Variants in RNF125 observed in about 807,000 individuals in gnomAD.
RNF125 encodes E3 ubiquitin-protein ligase RNF125.
A neutral mutation model predicts 26.0 loss-of-function variants in RNF125; 21 were observed. The ratio of observed to expected loss-of-function variants is 0.81; its 90% CI spans 0.57 to 1.16. The LOEUF is 1.16. RNF125 is among the 50% of genes most tolerant of loss of function. The pLI, the probability that RNF125 is intolerant of heterozygous loss-of-function variation, is 0.00. For missense variants in RNF125, 270 were observed against 299.4 expected, an observed-to-expected ratio of 0.90 and a Z score of 0.72; for synonymous variants, 95 against 109.2, an observed-to-expected ratio of 0.87 and a Z score of 0.81.
At chr18:32,051,605 G>C (rs1405662664) in intron 4 of RNF125, among the ~76,000 whole-genome samples, 1 of 98,166 alleles carries the variant, frequency 1.0e-5, no homozygotes, top group Non-Finnish European at 1.9e-5. Flanking sequence ...ACAAGAGCAA[G>C]ACTCAGTCTT....
At chr18:32,027,635 G>A (rs77571631) in intron 1 of RNF125, among the ~76,000 whole-genome samples, 1 of 152,152 alleles carries the variant, frequency 6.6e-6, no homozygotes, top group Non-Finnish European at 1.5e-5. Flanking sequence ...TTCTTTGCTG[G>A]CTTTTCATCC....
At chr18:32,046,914 GC>G (rs149646375) in intron 4 of RNF125, among the ~76,000 whole-genome samples, 2,383 of 152,062 alleles carry the variant, frequency 0.016, 64 homozygotes, top group African/African-American at 0.055. Flanking sequence ...TTTGAGACAG[GC>G]CATAGTACAG....
At chr18:32,034,452 G>A (rs993087099) in intron 1 of RNF125, among the ~76,000 whole-genome samples, 5 of 152,108 alleles carry the variant, frequency 3.3e-5, no homozygotes, top group African/African-American at 9.7e-5. Context: ...GTTCCTTTAC[G>A]TGATCTTGCA....
intron 4 of RNF125, among the ~76,000 whole-genome samples, chr18:32,047,364 G>A (rs965878463): frequency 2.6e-5 from 4 of 152,090 alleles, no homozygotes; most frequent in African/African-American, 9.7e-5. Context: ...TTTAGAATTT[G>A]AGTTCATATT....
At chr18:32,038,972 G>A (rs1458522113) in intron 2 of RNF125, among the ~76,000 whole-genome samples, 1 of 151,576 alleles carries the variant, frequency 6.6e-6, no homozygotes, top group Non-Finnish European at 1.5e-5. Flanking sequence ...CACCATGTTG[G>A]CCAGTCTGGT....
chr18:32,048,839 A>G (rs1397268260), intron 4 of RNF125, among the ~76,000 whole-genome samples: 3 of 152,220 alleles, frequency 2.0e-5, no homozygotes, highest in African/African-American at 4.8e-5. Context: ...TTGTTTCACA[A>G]TAGGTCCCTG....
intron 1 of RNF125, among the ~76,000 whole-genome samples, chr18:32,021,237 G>A (rs1299724374): frequency 3.9e-5 from 6 of 152,106 alleles, no homozygotes; most frequent in Non-Finnish European, 5.9e-5. Context: ...CCGCCACCAC[G>A]CCCGGCTAAT....
At chr18:32,062,093 T>C (rs1429753544) in intron 4 of RNF125, among the ~76,000 whole-genome samples, 1 of 152,212 alleles carries the variant, frequency 6.6e-6, no homozygotes, top group Non-Finnish European at 1.5e-5. Flanking sequence ...GAAGACATTA[T>C]CTGTAAATAT....
intron 1 of RNF125, among the ~76,000 whole-genome samples, chr18:32,023,253 A>G (rs1342092561): frequency 6.6e-6 from 1 of 152,182 alleles, no homozygotes; most frequent in Non-Finnish European, 1.5e-5. Context: ...CCCAGGTTCA[A>G]GTGACTGTCC....
chr18:32,084,127 A>C, the RNF125 span, among the ~76,000 whole-genome samples: 2 of 152,152 alleles, frequency 1.3e-5, no homozygotes, highest in African/African-American at 4.8e-5. Flanking sequence ...AGGCCGACGC[A>C]GGTGGATCAC....
the RNF125 span, among the ~76,000 whole-genome samples, chr18:32,079,310 T>C: frequency 6.6e-6 from 1 of 152,232 alleles, no homozygotes; most frequent in Non-Finnish European, 1.5e-5. Context: ...TGACCTCATC[T>C]AATCCTAATT....
chr18:32,048,596 AAGAC>A lies in RNF125; in HGVS notation c.504+2868_504+2871del, dbSNP rs2039295690. ...AAGGTCACACAGCTGGTAAGTAACA[AAGAC>A]AGAATTTGAATACAGTGATCTAGCT... is the stretch of plus-strand genomic sequence containing the variant. On this transcript the variant is annotated intron_variant, in intron 4 of 5. Transcript: ENST00000217740. Among the ~76,000 whole-genome samples, 4 of 152,306 alleles carry A rather than the reference AAGAC, an allele frequency of 2.6e-5. No individual in the cohort carries two copies. The South Asian group carries it at 8.3e-4, about 32-fold the overall frequency.
chr18:32,045,409 A>G (rs12970344), intron 3 of RNF125, among the ~76,000 whole-genome samples: 1 of 151,348 alleles, frequency 6.6e-6, no homozygotes, highest in African/African-American at 2.4e-5. Flanking sequence ...AAATACAAAG[A>G]TTAACCTGGT....
At position 32,070,012 on chromosome 18, in the gene RNF125, C is replaced by T. The variant is rs2039518990; in HGVS notation, c.*1628C>T. The T allele has an allele frequency of 7.8e-6, 1 of 128,378 alleles. No homozygotes were observed. Among genetic ancestry groups the T allele is most frequent in the Admixed American group, 8.4e-5 (1 of 11,844 alleles). 8.0% of individuals were successfully genotyped at this position (128,378 alleles called of 1,614,324 possible). A position where few individuals can be genotyped will look rare whatever the true frequency, so the allele number is the denominator to read the frequency against. On this transcript the variant is annotated 3_prime_UTR_variant, in exon 6 of 6. Transcript: ENST00000217740. ...ATCACGGTGTCTTTCTTTCCTTCCT[C>T]CTTCTTCTCTCTCTCTCTCTCTCTC...
At chr18:32,031,486 G>GATAA (rs2039094253) in intron 1 of RNF125, 1 of 20,956 alleles carries the variant, frequency 4.8e-5, no homozygotes, top group African/African-American at 1.1e-4. Flanking sequence ...CAAATTGTGG[G>GATAA]AAAAAAAAAA....
chr18:32,050,854 G>A (rs641777), intron 4 of RNF125, among the ~76,000 whole-genome samples: 5 of 136,084 alleles, frequency 3.7e-5, no homozygotes, highest in Non-Finnish European at 6.1e-5. Flanking sequence ...CTAGTCTCTC[G>A]GTCTAGAGTG....
At position 32,065,966 on chromosome 18, in the gene RNF125, G is replaced by A. The variant is rs1304110796; in HGVS notation, c.569G>A (p.Arg190Lys). The change falls in exon 5 of 6, where the codon AGA (arginine) becomes AAA (lysine). Residue 190 changes from arginine to lysine, a missense_variant. Coordinates refer to ENST00000217740, the MANE Select transcript of RNF125 (RefSeq NM_017831.4). ...AGCAGCTTCAGTGGCAGTTTAATAAGACATCTGCAAGTTAGTCACACTTTG... is the reference window on the plus strand; with the variant it reads ...AGCAGCTTCAGTGGCAGTTTAATAAAACATCTGCAAGTTAGTCACACTTTG... ...NPSSFSGSLIRHLQVSHTLFY... is the reference protein window; with the variant it reads ...NPSSFSGSLIKHLQVSHTLFY... 1 of 1,613,158 alleles carries A rather than the reference G, an allele frequency of 6.2e-7. No individual in the cohort carries two copies. The highest frequency in any genetic ancestry group is 8.5e-7 in the Non-Finnish European group (1 of 1,179,208).
downstream of RNF125, chr18:32,076,208 T>C: frequency 2.1e-6 from 1 of 480,370 alleles, no homozygotes; most frequent in South Asian, 1.9e-5. Context: ...AACCTGGTGT[T>C]TGCCTCTCTT....
intron 1 of RNF125, among the ~76,000 whole-genome samples, chr18:32,021,773 C>T (rs922667909): frequency 3.9e-5 from 6 of 152,128 alleles, no homozygotes; most frequent in African/African-American, 9.7e-5. Context: ...TTTCCTTCTA[C>T]TAAAGGATAA....
Sources: allele counts gnomAD v4.1 joint callset (sites outside exome capture counted in the v4.1 genomes callset), GRCh38; gene constraint gnomAD v4.1.1; transcripts MANE v1.5; gene names NCBI Gene and HGNC (gene_info 2026-07-23, HGNC 2026-07-21).